The following COL5A1 variants were observed in gnomAD, a reference collection of about 807,000 sequenced individuals.
COL5A1 encodes the protein collagen type V alpha 1 chain.
In COL5A1, 16 loss-of-function variants were observed where a neutral mutation model predicts 263.7. The observed-to-expected ratio is 0.06, with a 90% CI of 0.04 to 0.09. The LOEUF is 0.09. COL5A1 is among the 10% of genes least tolerant of loss of function. The probability of loss-of-function intolerance (pLI) is 1.00; values close to 1 mark genes in which losing one functional copy is unlikely to be tolerated. For missense variants in COL5A1, 2,036 were observed against 2,540.5 expected (o/e 0.80, Z 4.27); for synonymous variants, 1,012 against 1,004.5 (o/e 1.01, Z -0.14).
chr9:134,842,291 C>T lies in COL5A1; in HGVS notation c.5505C>T (p.Cys1835=). 6.2e-7 allele frequency: 1 copy of T among 1,614,222 alleles called. No homozygotes were observed. The change falls in exon 66 of 66, where the codon TGC becomes TGT. Residue 1835 remains cysteine, a synonymous_variant. Transcript: ENST00000371817. The surrounding 1 kb of genome is among the most constrained non-coding windows in gnomAD (Gnocchi z 5.8). ...TTGGATTTGAAGTGGGGCCGGCTTG[C>T]TTCATGGGCTAGGAGCCGCCGAGCC... is the stretch of plus-strand genomic sequence containing the variant. ...QKFGFEVGPA[C]FMG
At chr9:134,749,705 T>C (rs973973715) in intron 11 of COL5A1, among the ~76,000 whole-genome samples, 1 of 152,150 alleles carries the variant, frequency 6.6e-6, no homozygotes, top group Non-Finnish European at 1.5e-5. Flanking sequence ...TGGAGTGTAG[T>C]TGGTGGAGGC....
chr9:134,793,803 TTTGAAGCCAGAGG>T (rs1837802137), intron 32 of COL5A1, among the ~76,000 whole-genome samples: 1 of 152,238 alleles, frequency 6.6e-6, no homozygotes. Context: ...CAAATATTTA[TTTGAAGCCAGAGG>T]ATATCACCAT....
At chr9:134,743,806 A>G (rs533869865) in intron 11 of COL5A1, among the ~76,000 whole-genome samples, 1 of 152,220 alleles carries the variant, frequency 6.6e-6, no homozygotes, top group South Asian at 2.1e-4. Flanking sequence ...AGCCTTCCCC[A>G]TGGGATTTTG....
chr9:134,840,208 G>A (rs1229305515), intron 65 of COL5A1, among the ~76,000 whole-genome samples: 5 of 152,242 alleles, frequency 3.3e-5, no homozygotes, highest in South Asian at 4.1e-4. Flanking sequence ...CTGAGAACTC[G>A]CGTTCTCTCT....
chr9:134,694,605 C>G (rs1363103231), intron 2 of COL5A1, among the ~76,000 whole-genome samples: 1 of 152,214 alleles, frequency 6.6e-6, no homozygotes, highest in Non-Finnish European at 1.5e-5. Flanking sequence ...TCTAGTCTTG[C>G]TGAGACCCAG....
At chr9:134,727,212 C>G (rs1229093637) in intron 4 of COL5A1, 54 bp from the exon 5 acceptor site, 4 of 1,600,334 alleles carry the variant, frequency 2.5e-6, no homozygotes, top group Middle Eastern at 2.2e-4. Context: ...TCTCCCAGGT[C>G]CCCATGCGAG....
intron 1 of COL5A1, chr9:134,649,289 T>A (rs1287686897): frequency 2.9e-6 from 1 of 340,256 alleles, no homozygotes; most frequent in Non-Finnish European, 5.7e-6. Flanking sequence ...GGAGTTTTTC[T>A]GGAGGAATCT....
chr9:134,809,009 G>A (rs779927532), intron 42 of COL5A1, 174 bp from the exon 43 acceptor site: 21 of 672,836 alleles, frequency 3.1e-5, no homozygotes, highest in Admixed American at 1.1e-4. Flanking sequence ...GTCCAGGGGC[G>A]GGCTCAGAGT....
intron 37 of COL5A1, among the ~76,000 whole-genome samples, chr9:134,800,761 A>AAAAAG (rs1588564502): frequency 6.6e-6 from 1 of 150,876 alleles, no homozygotes; most frequent in East Asian, 1.9e-4. Context: ...AAAAAAAAAA[A>AAAAAG]AAAAAAAAAA....
rs762199010 is a variant in COL5A1 at position 134,652,638 on chromosome 9, G to C, written c.109+10342G>C. On this transcript the variant is annotated intron_variant, in intron 1 of 65. Coordinates refer to ENST00000371817, the MANE Select transcript of COL5A1 (RefSeq NM_000093.5). The surrounding 1 kb of genome is among the most constrained non-coding windows in gnomAD (Gnocchi z 4.4). ...TGCACGGGACAGCCCCCACCAAAAA[G>C]ACTGACCCAGCCCGGAGGCTGCAGG... 3.0e-5 allele frequency: 14 copies of C among 469,612 alleles called. No individual in the cohort carries two copies. The highest frequency in any genetic ancestry group is 5.3e-5 in the Non-Finnish European group (12 of 226,286). The allele number at this position is 469,612 out of a possible 1,614,324, so 29.1% of individuals were successfully genotyped here.
At chr9:134,813,890 A>AGAGCAGGCAGG in intron 48 of COL5A1, 93 bp from the exon 49 acceptor site, 1 of 1,416,698 alleles carries the variant, frequency 7.1e-7, no homozygotes, top group Non-Finnish European at 9.7e-7. Context: ...GGGCAGGCAG[A>AGAGCAGGCAGG]CAGCAGGCAG....
At chr9:134,701,419 C>A in intron 4 of COL5A1, 86 bp downstream of exon 4, 1 of 1,390,858 alleles carries the variant, frequency 7.2e-7, no homozygotes, top group Non-Finnish European at 1.0e-6. Context: ...GGAGGCTCCT[C>A]GGGCCGGGAC....
rs1161786135 is a variant in COL5A1, at chr9:134,691,012, C to A, written c.210C>A (p.Gly70=). ...GCGCCACGCGGCGATCTTCCAAAGG[C>A]CCGGATGTCGCTTACAGAGTCACCA... is the stretch of plus-strand genomic sequence containing the variant. ...GFCATRRSSK[G]PDVAYRVTKD... The change falls in exon 2 of 66, where the codon GGC becomes GGA. Residue 70 remains glycine (G), a synonymous_variant. Coordinates refer to ENST00000371817, the MANE Select transcript of COL5A1 (RefSeq NM_000093.5). 6.2e-7 allele frequency: 1 copy of A among 1,613,698 alleles called. No individual in the cohort carries two copies. The highest frequency in any genetic ancestry group is 1.3e-5 in the African/African-American group (1 of 74,956).
intron 29 of COL5A1, among the ~76,000 whole-genome samples, chr9:134,784,394 G>T (rs1037193523): frequency 6.6e-6 from 1 of 152,226 alleles, no homozygotes; most frequent in Non-Finnish European, 1.5e-5. Flanking sequence ...CGCTACCATT[G>T]CCTGGGCAGG....
At chr9:134,762,964 G>A (rs1200529767) in intron 19 of COL5A1, among the ~76,000 whole-genome samples, 2 of 152,188 alleles carry the variant, frequency 1.3e-5, no homozygotes. Flanking sequence ...ATGCACGCAT[G>A]GCTGTGTGCG....
chr9:134,710,196 C>T (rs760037506), intron 4 of COL5A1, among the ~76,000 whole-genome samples: 11 of 152,204 alleles, frequency 7.2e-5, no homozygotes, highest in African/African-American at 1.2e-4. Context: ...AAAGCCGGTG[C>T]GGCCCGCCCC....
chr9:134,665,151 A>G (rs1482517130), intron 1 of COL5A1, among the ~76,000 whole-genome samples: 1 of 152,226 alleles, frequency 6.6e-6, no homozygotes, highest in African/African-American at 2.4e-5. Context: ...GTGAGCCGAG[A>G]TCATGCCACT....
intron 42 of COL5A1, 159 bp from the exon 43 acceptor site, chr9:134,809,024 C>G (rs1326179165): frequency 2.8e-6 from 2 of 710,354 alleles, no homozygotes; most frequent in Non-Finnish European, 5.1e-6. Flanking sequence ...CAGAGTCGGC[C>G]CTCAGTGGCC....
chr9:134,781,259 T>C (rs1564454628), intron 28 of COL5A1, among the ~76,000 whole-genome samples: 1 of 152,270 alleles, frequency 6.6e-6, no homozygotes. Flanking sequence ...TCTGCCCTTG[T>C]GGGAGGACCG....
Sources: allele counts gnomAD v4.1 joint callset (sites outside exome capture counted in the v4.1 genomes callset), GRCh38; gene constraint gnomAD v4.1.1; non-coding constraint Gnocchi (gnomAD v3.1); transcripts MANE v1.5; gene names NCBI Gene and HGNC (gene_info 2026-07-23, HGNC 2026-07-21).